Variants in HERC4 observed in about 807,000 individuals in gnomAD.
HERC4 encodes probable E3 ubiquitin-protein ligase HERC4.
Under a neutral mutation model 124.3 loss-of-function variants are expected in HERC4, and 28 were observed. The observed-to-expected ratio is 0.23, with a 90% CI of 0.17 to 0.31. HERC4 has a LOEUF of 0.31. Among genes scored for constraint, HERC4 ranks in the 10% least tolerant of loss-of-function variants. HERC4 has a pLI of 1.00. For missense variants in HERC4, 713 were observed against 1,229.3 expected, an observed-to-expected ratio of 0.58 and a Z score of 6.28; for synonymous variants, 407 against 421.5, an observed-to-expected ratio of 0.97 and a Z score of 0.42.
chr10:67,975,366 G>A (rs1463277154), intron 15 of HERC4, among the ~76,000 whole-genome samples: 2 of 152,102 alleles, frequency 1.3e-5, no homozygotes, highest in African/African-American at 2.4e-5. Context: ...CCAAGGTCAC[G>A]TAAGTAACAG....
Position 68,038,076 on chromosome 10 carries a change from T to C in HERC4, c.463+17A>G. ...GTAATAAAACTGAAGAGAAATAAAA[T>C]AAAAACTAATGCTTACCTTTAGAAA... On this transcript the variant is annotated intron_variant, in intron 5 of 24. Transcript: ENST00000373700. The C allele has an allele frequency of 1.5e-6, 2 of 1,374,640 alleles. No individual in the cohort carries two copies. The highest frequency in any genetic ancestry group is 2.5e-5 in the Admixed American group (1 of 39,298). The allele number at this position is 1,374,640 out of a possible 1,614,324, so 85.2% of individuals were successfully genotyped here.
chr10:68,066,710 T>A (rs552444485), intron 3 of HERC4, among the ~76,000 whole-genome samples: 1 of 152,292 alleles, frequency 6.6e-6, no homozygotes, highest in South Asian at 2.1e-4. Flanking sequence ...TGGCTTGTAG[T>A]ACAGCATAGC....
intron 8 of HERC4, among the ~76,000 whole-genome samples, chr10:68,014,750 A>C (rs2038162662): frequency 6.6e-6 from 1 of 152,184 alleles, no homozygotes; most frequent in African/African-American, 2.4e-5. Flanking sequence ...AAACCTAAGA[A>C]ACCACAGATC....
Position 67,992,639 on chromosome 10 carries a change from T to TC in HERC4, c.1112dup (p.Asp372ArgfsTer9). ...TAGAGTAATGTGAAAAGCTTTGATCTCCCCCTGAGAAAATTCTTTTTACAC... is the reference window on the plus strand; with the variant it reads ...TAGAGTAATGTGAAAAGCTTTGATCTCCCCCCTGAGAAAATTCTTTTTACAC... On this transcript the variant is annotated frameshift_variant, in exon 10 of 25. Transcript: ENST00000373700. LOFTEE classifies it high-confidence loss of function. The TC allele has an allele frequency of 6.4e-7, 1 of 1,551,848 alleles. No individual in the cohort carries two copies. Among genetic ancestry groups the TC allele is most frequent in the Non-Finnish European group, 8.8e-7 (1 of 1,131,382 alleles).
At chr10:67,946,396 C>CACACAA (rs920956046) in intron 19 of HERC4, among the ~76,000 whole-genome samples, 57 of 142,266 alleles carry the variant, frequency 4.0e-4, no homozygotes, top group African/African-American at 1.1e-3. Context: ...CACACACACA[C>CACACAA]AAGACCCAAT....
chr10:68,010,528 T>C (rs1403915080), intron 9 of HERC4: 6 of 952,716 alleles, frequency 6.3e-6, no homozygotes, highest in Non-Finnish European at 8.3e-6. Flanking sequence ...TGCTGCAGTG[T>C]GGGCTTCAGG....
chr10:67,924,284 C>T (rs1418012444), intron 24 of HERC4, among the ~76,000 whole-genome samples: 1 of 152,126 alleles, frequency 6.6e-6, no homozygotes, highest in Non-Finnish European at 1.5e-5. Flanking sequence ...GTATTAATAA[C>T]ATGTACATTC....
intron 19 of HERC4, among the ~76,000 whole-genome samples, chr10:67,941,557 T>G (rs1232915373): frequency 1.3e-5 from 2 of 152,146 alleles, no homozygotes; most frequent in Non-Finnish European, 2.9e-5. Flanking sequence ...ATTTTGTGTA[T>G]TTCCACCTAT....
chr10:68,033,176 T>C (rs1393247235), intron 6 of HERC4, among the ~76,000 whole-genome samples: 3 of 152,178 alleles, frequency 2.0e-5, no homozygotes, highest in South Asian at 4.1e-4. Flanking sequence ...TCATTCTTTA[T>C]ATTCACTTCA....
At position 67,966,741 on chromosome 10, in the gene HERC4, T is replaced by A. The variant is rs1396260054; in HGVS notation, c.1868A>T (p.Glu623Val). The A allele has an allele frequency of 6.2e-7, 1 of 1,601,044 alleles. No individual in the cohort carries two copies. The highest frequency in any genetic ancestry group is 8.5e-7 in the Non-Finnish European group (1 of 1,170,560). The part of the protein sequence containing the change: ...YDKFYIHEVQ[E>V]LIDIRNDYIN... ...ATAATCATTTCTTATGTCTATCAAT[T>A]CTTGTACTTCATGTATATAAAATTT... The change falls in exon 16 of 25, where the codon GAA (glutamate) becomes GTA (valine). Residue 623 changes from glutamate to valine, a missense_variant. Coordinates refer to ENST00000373700, the MANE Select transcript of HERC4 (RefSeq NM_015601.4).
chr10:68,069,901 G>A (rs1392945560), intron 3 of HERC4: 6 of 393,134 alleles, frequency 1.5e-5, no homozygotes, highest in African/African-American at 2.2e-5. Context: ...AATTACCCGG[G>A]CATGGTGGCA....
chr10:68,033,899 C>G, intron 6 of HERC4, 66 bp downstream of exon 6: 1 of 1,289,744 alleles, frequency 7.8e-7, no homozygotes, highest in Non-Finnish European at 1.1e-6. Flanking sequence ...CTAAGAATCA[C>G]TGATCTAACT....
intron 19 of HERC4, among the ~76,000 whole-genome samples, chr10:67,941,764 T>G (rs745307394): frequency 6.7e-6 from 1 of 148,978 alleles, no homozygotes; most frequent in African/African-American, 2.5e-5. Context: ...CTGCAACGTA[T>G]GCCTCCTGGG....
At chr10:67,991,474 T>C (rs900779861) in intron 11 of HERC4, among the ~76,000 whole-genome samples, 7 of 152,178 alleles carry the variant, frequency 4.6e-5, no homozygotes, top group Admixed American at 2.0e-4. Flanking sequence ...ATTTTAAAAA[T>C]TAAGTGTGTA....
intron 3 of HERC4, among the ~76,000 whole-genome samples, chr10:68,052,698 T>C (rs1430055420): frequency 6.6e-6 from 1 of 152,222 alleles, no homozygotes; most frequent in Non-Finnish European, 1.5e-5. Context: ...TGAAAATTCA[T>C]ATAGAGTATC....
At chr10:68,015,590 G>T (rs1038522721) in intron 8 of HERC4, among the ~76,000 whole-genome samples, 1 of 152,062 alleles carries the variant, frequency 6.6e-6, no homozygotes, top group Admixed American at 6.5e-5. Flanking sequence ...ACTCACACAT[G>T]CTATTTTAAA....
chr10:67,993,947 G>A (rs759671225), intron 9 of HERC4: 8 of 152,016 alleles, frequency 5.3e-5, no homozygotes, highest in Non-Finnish European at 1.0e-4. Flanking sequence ...TCTTTTCAAG[G>A]AAATGACCAC....
intron 5 of HERC4, among the ~76,000 whole-genome samples, chr10:68,036,615 T>C (rs950642258): frequency 6.6e-6 from 1 of 152,130 alleles, no homozygotes; most frequent in Admixed American, 6.6e-5. Context: ...AGTATGAGTA[T>C]GTCTCCCACT....
chr10:67,941,408 T>C (rs999863402), intron 19 of HERC4, among the ~76,000 whole-genome samples: 1 of 152,134 alleles, frequency 6.6e-6, no homozygotes, highest in African/African-American at 2.4e-5. Context: ...ATTAAGTTAA[T>C]AGGTGAAATA....
Sources: gnomAD v4.1 joint callset for allele counts (sites outside exome capture counted in the v4.1 genomes callset) on GRCh38, gnomAD v4.1.1 for gene constraint, MANE v1.5 for transcripts, NCBI Gene and HGNC (gene_info 2026-07-23, HGNC 2026-07-21) for gene names.